CTNNA2: variants seen among roughly 807,000 people sequenced by gnomAD.
The protein encoded by CTNNA2 is catenin alpha 2, also known as catenin alpha-2.
Under a neutral mutation model 101.0 loss-of-function variants are expected in CTNNA2, and 42 were observed. The ratio of observed to expected loss-of-function variants is 0.42; its 90% CI spans 0.32 to 0.54. CTNNA2 has a LOEUF of 0.54. CTNNA2 is among the 20% of genes least tolerant of loss of function. The pLI, the probability that CTNNA2 is intolerant of heterozygous loss-of-function variation, is 0.14. For synonymous variants in CTNNA2, 450 were observed against 456.4 expected (o/e 0.99, Z 0.18); for missense variants, 871 against 1,223.1 (o/e 0.71, Z 4.29).
intron 4 of CTNNA2, among the ~76,000 whole-genome samples, chr2:79,376,317 C>T (rs1317698842): frequency 6.6e-6 from 1 of 152,084 alleles, no homozygotes; most frequent in Non-Finnish European, 1.5e-5. Context: ...TGCTTGTGTT[C>T]CAACTGATTT....
At chr2:80,057,561 C>T (rs1351353831) in intron 7 of CTNNA2, among the ~76,000 whole-genome samples, 1 of 152,186 alleles carries the variant, frequency 6.6e-6, no homozygotes, top group Non-Finnish European at 1.5e-5. Context: ...GTACTTCCAT[C>T]TCTCCTTTTC....
chr2:80,349,145 G>C (rs1427453435), intron 7 of CTNNA2, among the ~76,000 whole-genome samples: 4 of 152,128 alleles, frequency 2.6e-5, no homozygotes, highest in Non-Finnish European at 4.4e-5. Context: ...TGTGGTCCCT[G>C]ACTGTTCTCA....
In CTNNA2 at chr2:79,524,990, A is replaced by G. The variant is rs1397182019; in HGVS notation, c.-6+11783A>G. 2.0e-5 allele frequency among the ~76,000 whole-genome samples: 3 copies of G among 151,792 alleles called. No homozygotes were observed. In the South Asian group the frequency reaches 6.2e-4, roughly 31 times the overall value. On this transcript the variant is annotated intron_variant, in intron 1 of 18. Transcript: ENST00000402739. Reference sequence around the variant, plus strand: ...GATAGAGTTGAGTGAATAATGATCTAATGGTGGTGACAACATGTTTGATTA... The same window carrying G: ...GATAGAGTTGAGTGAATAATGATCTGATGGTGGTGACAACATGTTTGATTA...
chr2:80,443,632 A>G (rs1682801166), intron 9 of CTNNA2, among the ~76,000 whole-genome samples: 1 of 152,178 alleles, frequency 6.6e-6, no homozygotes, highest in African/African-American at 2.4e-5. Flanking sequence ...GCTATAAAAT[A>G]AGGCACTGTC....
intron 1 of CTNNA2, among the ~76,000 whole-genome samples, chr2:79,611,811 G>T (rs918117693): frequency 2.0e-5 from 3 of 151,982 alleles, no homozygotes; most frequent in Non-Finnish European, 2.9e-5. Flanking sequence ...TTTTTTGCTT[G>T]AATTATACAA....
chr2:79,205,019 T>C (rs1292572590), intron 2 of CTNNA2, among the ~76,000 whole-genome samples: 1 of 152,248 alleles, frequency 6.6e-6, no homozygotes, highest in Non-Finnish European at 1.5e-5. Flanking sequence ...AAGCAGAGTT[T>C]AGTTTTTCTC....
At chr2:79,417,762 C>T (rs549653579) in intron 4 of CTNNA2, among the ~76,000 whole-genome samples, 60 of 152,046 alleles carry the variant, frequency 3.9e-4, no homozygotes, top group Middle Eastern at 3.4e-3. Flanking sequence ...AGGTGCCTTG[C>T]GGTTAGGAAC....
At chr2:80,556,682 C>G (rs1203494729) in intron 12 of CTNNA2, among the ~76,000 whole-genome samples, 1 of 152,002 alleles carries the variant, frequency 6.6e-6, no homozygotes, top group South Asian at 2.1e-4. Context: ...TGACCAATGT[C>G]TTTTGGCTTC....
intron 7 of CTNNA2, among the ~76,000 whole-genome samples, chr2:80,147,763 C>T (rs1387117716): frequency 6.6e-6 from 1 of 152,100 alleles, no homozygotes. Context: ...ACTTCTCAGC[C>T]CCTACCTCCC....
chr2:80,201,367 C>CTTTTTTTTTTT (rs60448795), intron 7 of CTNNA2, among the ~76,000 whole-genome samples: 257 of 80,716 alleles, frequency 3.2e-3, no homozygotes, highest in African/African-American at 7.1e-3. Context: ...CTTTTTCTTT[C>CTTTTTTTTTTT]TTTTTTTTTT....
At chr2:79,471,601 G>A (rs1670999867) in intron 4 of CTNNA2, among the ~76,000 whole-genome samples, 1 of 152,132 alleles carries the variant, frequency 6.6e-6, no homozygotes, top group Non-Finnish European at 1.5e-5. Context: ...CACTTTGGGA[G>A]GCTGAGGCAG....
chr2:80,069,365 A>G (rs1270878543), intron 7 of CTNNA2, among the ~76,000 whole-genome samples: 2 of 152,230 alleles, frequency 1.3e-5, no homozygotes, highest in Non-Finnish European at 2.9e-5. Flanking sequence ...AACTCAGTTA[A>G]GTTGCCATAT....
At chr2:79,387,465 G>T (rs1042698506) in intron 4 of CTNNA2, among the ~76,000 whole-genome samples, 1 of 152,312 alleles carries the variant, frequency 6.6e-6, no homozygotes, top group South Asian at 2.1e-4. Flanking sequence ...AGAAGAAAGA[G>T]CCAGAATCAA....
chr2:80,412,634 T>A (rs1679686481), intron 8 of CTNNA2, among the ~76,000 whole-genome samples: 1 of 152,176 alleles, frequency 6.6e-6, no homozygotes, highest in South Asian at 2.1e-4. Flanking sequence ...GTCACAACAG[T>A]GTAGTGTTAA....
intron 1 of CTNNA2, among the ~76,000 whole-genome samples, chr2:79,642,865 C>T (rs777493102): frequency 6.6e-6 from 1 of 151,080 alleles, no homozygotes; most frequent in African/African-American, 2.4e-5. Context: ...GCCCCTCTTA[C>T]AATAGGGTAT....
intron 7 of CTNNA2, among the ~76,000 whole-genome samples, chr2:80,340,928 G>A (rs1672177313): frequency 6.6e-6 from 1 of 152,098 alleles, no homozygotes; most frequent in Non-Finnish European, 1.5e-5. Context: ...CTCAGATTCG[G>A]TAATTAGCTA....
chr2:79,713,721 T>G (rs906807400), intron 2 of CTNNA2, among the ~76,000 whole-genome samples: 9 of 152,108 alleles, frequency 5.9e-5, no homozygotes, highest in Non-Finnish European at 1.3e-4. Flanking sequence ...GAATTCCCTG[T>G]TCATTTAAAT....
Position 79,413,248 on chromosome 2 carries a change from ACT to A in CTNNA2, c.-135+39240_-135+39241del, listed in dbSNP as rs1052026741. Among the ~76,000 whole-genome samples the A allele has an allele frequency of 2.0e-5, 3 of 151,794 alleles. No homozygotes were observed. The East Asian group carries it at 5.8e-4, about 29-fold the overall frequency. ...AAATTTGAAAAGAGCTGCAATTCTT[ACT>A]CTCTACTTTTATGAGTTTGGCTCAT... On this transcript the variant is annotated intron_variant, in intron 4 of 21. Transcript: ENST00000466387.
intron 4 of CTNNA2, among the ~76,000 whole-genome samples, chr2:79,394,937 T>C (rs990315055): frequency 2.0e-5 from 3 of 152,176 alleles, no homozygotes; most frequent in Non-Finnish European, 4.4e-5. Context: ...AAGATCACTG[T>C]GGGCCATGTG....
Sources: gnomAD v4.1 joint callset for allele counts (sites outside exome capture counted in the v4.1 genomes callset) on GRCh38, gnomAD v4.1.1 for gene constraint, MANE v1.5 for transcripts, NCBI Gene and HGNC (gene_info 2026-07-23, HGNC 2026-07-21) for gene names.